PLA2G4A: variants seen among roughly 807,000 people sequenced by gnomAD.
The protein encoded by PLA2G4A is cytosolic phospholipase A2.
PLA2G4A carries 40 observed loss-of-function variants against 81.9 expected under a neutral mutation model. That is an observed-to-expected ratio of 0.49 (90% CI 0.38 to 0.64). The LOEUF is 0.64. Ranked by LOEUF, PLA2G4A falls within the 30% of genes least tolerant of loss-of-function variation. The pLI is 0.00. For synonymous variants in PLA2G4A, 302 were observed against 296.9 expected (o/e 1.02, Z -0.18); for missense variants, 715 against 905.1 (o/e 0.79, Z 2.69).
At chr1:186,894,475 C>T (rs936092571) in intron 5 of PLA2G4A, among the ~76,000 whole-genome samples, 2 of 152,088 alleles carry the variant, frequency 1.3e-5, no homozygotes, top group African/African-American at 4.8e-5. Flanking sequence ...CATTGGGATT[C>T]AGCAATGCCT....
At chr1:186,976,897 T>C (rs1475768303) in intron 15 of PLA2G4A, among the ~76,000 whole-genome samples, 1 of 152,174 alleles carries the variant, frequency 6.6e-6, no homozygotes, top group Non-Finnish European at 1.5e-5. Flanking sequence ...CCGTGGAGGC[T>C]CTGTTCTATT....
intron 8 of PLA2G4A, among the ~76,000 whole-genome samples, chr1:186,935,701 G>A (rs945091990): frequency 6.6e-6 from 1 of 151,828 alleles, no homozygotes; most frequent in Non-Finnish European, 1.5e-5. Flanking sequence ...CAGGTGAGAA[G>A]GTAAAAAGTT....
chr1:186,857,151 TTA>T, intron 2 of PLA2G4A, among the ~76,000 whole-genome samples: 1 of 38,028 alleles, frequency 2.6e-5, no homozygotes, highest in Non-Finnish European at 3.9e-5. Context: ...AATTATATAA[TTA>T]CATAATATAA....
intron 3 of PLA2G4A, among the ~76,000 whole-genome samples, chr1:186,875,068 TG>T (rs1653416773): frequency 6.6e-6 from 1 of 152,062 alleles, no homozygotes; most frequent in African/African-American, 2.4e-5. Context: ...TCTGTAGGTT[TG>T]GGGAGTAGAT....
intron 5 of PLA2G4A, among the ~76,000 whole-genome samples, chr1:186,903,077 G>A (rs1344061256): frequency 3.9e-5 from 6 of 151,920 alleles, no homozygotes; most frequent in East Asian, 1.9e-4. Flanking sequence ...TACAATGTAC[G>A]GAAACATGAT....
chr1:186,956,842 T>C (rs542744716), intron 14 of PLA2G4A, among the ~76,000 whole-genome samples: 2 of 151,958 alleles, frequency 1.3e-5, no homozygotes, highest in East Asian at 1.9e-4. Context: ...AAAATTTACA[T>C]TGGAGAGGAA....
chr1:186,901,840 G>A (rs138272785), intron 5 of PLA2G4A, among the ~76,000 whole-genome samples: 1 of 152,198 alleles, frequency 6.6e-6, no homozygotes, highest in African/African-American at 2.4e-5. Flanking sequence ...TTTTGTGTGT[G>A]TGGGTTTGGG....
At chr1:186,855,592 C>T (rs1475912109) in intron 2 of PLA2G4A, among the ~76,000 whole-genome samples, 1 of 151,980 alleles carries the variant, frequency 6.6e-6, no homozygotes, top group African/African-American at 2.4e-5. Context: ...CCTCTATTAT[C>T]ATGGGTAAGT....
At chr1:186,940,142 A>C (rs768733509) in intron 10 of PLA2G4A, 48 bp downstream of exon 10, 1 of 1,011,672 alleles carries the variant, frequency 9.9e-7, no homozygotes, top group Non-Finnish European at 1.6e-6. Flanking sequence ...TCTGAATTGC[A>C]GTTTCCCATG....
chr1:186,947,981 A>C (rs1192466295), intron 12 of PLA2G4A, among the ~76,000 whole-genome samples: 1 of 152,194 alleles, frequency 6.6e-6, no homozygotes. Flanking sequence ...CAGTTGATTT[A>C]ATTAAGTTTA....
chr1:186,919,686 T>C (rs1655276504), intron 7 of PLA2G4A, among the ~76,000 whole-genome samples: 1 of 152,212 alleles, frequency 6.6e-6, no homozygotes, highest in Non-Finnish European at 1.5e-5. Context: ...AAACAGCTTC[T>C]GGCTCTCAGG....
chr1:186,937,697 G>T (rs1218974579), intron 8 of PLA2G4A, among the ~76,000 whole-genome samples: 1 of 149,162 alleles, frequency 6.7e-6, no homozygotes, highest in Admixed American at 6.7e-5. Flanking sequence ...GGAATAGTTT[G>T]GTCTCTAACA....
intron 8 of PLA2G4A, among the ~76,000 whole-genome samples, chr1:186,933,840 T>G (rs1045720384): frequency 6.6e-6 from 1 of 152,204 alleles, no homozygotes; most frequent in African/African-American, 2.4e-5. Context: ...GCATATAAAC[T>G]CAGGCTTTTG....
chr1:186,940,000 C>A lies in PLA2G4A; in HGVS notation c.939C>A (p.Ser313Arg), dbSNP rs1398685160. ...LIHNRMNTTLSSLKEKVNTAQ... is the reference protein window; with the variant it reads ...LIHNRMNTTLRSLKEKVNTAQ... ...GACAGAGAATGAATACTACTCTGAG[C>A]AGTTTGAAGGAAAAAGTTAATACTG... Residue 313 changes from serine to arginine, a missense_variant, in exon 10 of 18, where the codon AGC becomes AGA. Transcript: ENST00000367466. The A allele has an allele frequency of 5.1e-6, 8 of 1,556,944 alleles. No homozygotes were observed. The African/African-American group carries it at 6.8e-5, about 13-fold the overall frequency.
chr1:186,851,096 G>A (rs1652357323), intron 1 of PLA2G4A, among the ~76,000 whole-genome samples: 1 of 151,996 alleles, frequency 6.6e-6, no homozygotes, highest in African/African-American at 2.4e-5. Flanking sequence ...CTTAGAATAT[G>A]AAACTGGAAC....
chr1:186,830,855 CAG>C (rs1571315330), intron 1 of PLA2G4A, among the ~76,000 whole-genome samples: 1 of 152,046 alleles, frequency 6.6e-6, no homozygotes, highest in East Asian at 1.9e-4. Flanking sequence ...AAGAGGAAGA[CAG>C]AATTAGTTGT....
intron 1 of PLA2G4A, among the ~76,000 whole-genome samples, chr1:186,847,768 T>G (rs1409173263): frequency 2.0e-5 from 3 of 152,102 alleles, no homozygotes; most frequent in Non-Finnish European, 4.4e-5. Context: ...GGTGGAGATC[T>G]GGAGAGGAAT....
At chr1:186,884,396 G>A (rs1232339842) in intron 3 of PLA2G4A, among the ~76,000 whole-genome samples, 1 of 151,446 alleles carries the variant, frequency 6.6e-6, no homozygotes. Context: ...GAAGGATAGG[G>A]ATGATTATAG....
In PLA2G4A at chr1:186,977,701, C is replaced by A; in HGVS notation, c.1873C>A (p.Pro625Thr). The part of the protein sequence containing the change: ...EGLKECYVFK[P>T]KNPDMEKDCP... The stretch of plus-strand genomic sequence containing the variant: ...GCTGAAGGAGTGCTATGTCTTTAAA[C>A]CCAAGAATCCTGATATGGAGAAAGA... The change falls in exon 16 of 18, where the codon CCC (proline) becomes ACC (threonine). Residue 625 changes from proline (P) to threonine (T), a missense_variant. Coordinates refer to ENST00000367466, the MANE Select transcript of PLA2G4A (RefSeq NM_024420.3). The A allele has an allele frequency of 6.2e-7, 1 of 1,613,308 alleles. No homozygotes were observed. Among genetic ancestry groups the A allele is most frequent in the Non-Finnish European group, 8.5e-7 (1 of 1,179,288 alleles).
Sources: gnomAD v4.1 joint callset for allele counts (sites outside exome capture counted in the v4.1 genomes callset) on GRCh38, gnomAD v4.1.1 for gene constraint, MANE v1.5 for transcripts, NCBI Gene and HGNC (gene_info 2026-07-23, HGNC 2026-07-21) for gene names.